SLC39A11: variants seen among roughly 807,000 people sequenced by gnomAD.
SLC39A11 encodes solute carrier family 39 member 11, also known as zinc transporter ZIP11.
In SLC39A11, 33 loss-of-function variants were observed where a neutral mutation model predicts 36.1. The observed-to-expected ratio is 0.91, with a 90% confidence interval of 0.69 to 1.22. The LOEUF (loss-of-function observed/expected upper bound fraction) is 1.22. SLC39A11 is among the 50% of genes most tolerant of loss of function. The probability of loss-of-function intolerance (pLI) is 0.00; values close to 1 mark genes in which losing one functional copy is unlikely to be tolerated. For missense variants in SLC39A11, 432 were observed against 430.3 expected (o/e 1.00, Z -0.03); for synonymous variants, 166 against 170.3 (o/e 0.97, Z 0.20).
Position 72,937,273 on chromosome 17 carries a change from C to G in SLC39A11, c.430+10479G>C, listed in dbSNP as rs1023384185. On this transcript the variant is annotated intron_variant, in intron 5 of 9. Coordinates refer to ENST00000255559, the MANE Select transcript of SLC39A11 (RefSeq NM_139177.4). ...CTGGCCAACATGGTGAAACCACCCCCCTCCCTGGTATCTACTAAAAAAAGT... is the reference window on the plus strand; with the variant it reads ...CTGGCCAACATGGTGAAACCACCCCGCTCCCTGGTATCTACTAAAAAAAGT... Among the ~76,000 whole-genome samples the G allele has an allele frequency of 3.3e-5, 5 of 151,964 alleles. No homozygotes were observed. In the South Asian group the frequency reaches 1.0e-3, roughly 32 times the overall value.
intron 6 of SLC39A11, among the ~76,000 whole-genome samples, chr17:72,764,337 G>A (rs1376243786): frequency 1.3e-5 from 2 of 152,134 alleles, no homozygotes; most frequent in African/African-American, 4.8e-5. Flanking sequence ...TTCAGCTGTG[G>A]TGGGGACAAG....
intron 4 of SLC39A11, among the ~76,000 whole-genome samples, chr17:72,957,825 A>G (rs2086343137): frequency 6.6e-6 from 1 of 152,006 alleles, no homozygotes; most frequent in African/African-American, 2.4e-5. Flanking sequence ...TCTCAAAAAA[A>G]AAAAACAAAC....
intron 3 of SLC39A11, among the ~76,000 whole-genome samples, chr17:73,060,223 A>G (rs2059799710): frequency 6.6e-6 from 1 of 150,676 alleles, no homozygotes; most frequent in Admixed American, 6.6e-5. Context: ...AAAAAAAAAA[A>G]AAAAAAAGAA....
At chr17:73,090,100 G>A (rs1013755944) in intron 1 of SLC39A11, among the ~76,000 whole-genome samples, 21 of 152,272 alleles carry the variant, frequency 1.4e-4, no homozygotes, top group African/African-American at 4.1e-4. Context: ...GCCAGTTCCC[G>A]GTGCTCTGTG....
chr17:73,062,028 A>G (rs2059855202), intron 3 of SLC39A11, among the ~76,000 whole-genome samples: 1 of 152,102 alleles, frequency 6.6e-6, no homozygotes, highest in Admixed American at 6.6e-5. Flanking sequence ...CCTCTGTTCC[A>G]TGACTCTTCA....
At position 73,017,319 on chromosome 17, in the gene SLC39A11, A is replaced by T. The variant is rs115719206; in HGVS notation, c.306+14237T>A. On this transcript the variant is annotated intron_variant, in intron 4 of 9. Coordinates refer to ENST00000255559, the MANE Select transcript of SLC39A11 (RefSeq NM_139177.4). ...CTGTGATCCTAGCCAGACGGAAAAC[A>T]TGCAAAGGGTGCACCACGTTCACCT... Among the ~76,000 whole-genome samples the T allele has an allele frequency of 3.6e-3, 543 of 152,330 alleles. 4 individuals carry two copies. The highest frequency in any genetic ancestry group is 0.012 in the African/African-American group (496 of 41,576).
chr17:72,947,969 C>A, intron 4 of SLC39A11, 94 bp from the exon 5 acceptor site: 1 of 1,518,238 alleles, frequency 6.6e-7, no homozygotes, highest in Non-Finnish European at 9.0e-7. Context: ...ACTTGCCAGT[C>A]TCTACCAAGA....
intron 3 of SLC39A11, among the ~76,000 whole-genome samples, chr17:73,081,668 C>CATATATGTGTATATGTATGT (rs1568242880): frequency 3.1e-5 from 2 of 64,984 alleles, no homozygotes. Flanking sequence ...CACACACACA[C>CATATATGTGTATATGTATGT]ACATATATAT....
intron 3 of SLC39A11, among the ~76,000 whole-genome samples, chr17:73,059,806 G>T (rs1450747425): frequency 6.6e-6 from 1 of 152,118 alleles, no homozygotes; most frequent in Non-Finnish European, 1.5e-5. Flanking sequence ...TAGAATGACA[G>T]GTTGCCCCAA....
At chr17:72,647,893 A>G (rs2069638305) in intron 9 of SLC39A11, among the ~76,000 whole-genome samples, 1 of 152,198 alleles carries the variant, frequency 6.6e-6, no homozygotes, top group Non-Finnish European at 1.5e-5. Context: ...TGGTGGGGAA[A>G]CTGAGGCAAA....
chr17:72,993,290 A>G (rs1369163971), intron 4 of SLC39A11, among the ~76,000 whole-genome samples: 1 of 152,250 alleles, frequency 6.6e-6, no homozygotes, highest in Non-Finnish European at 1.5e-5. Flanking sequence ...ACTAAACTAG[A>G]AAGTTAAAAT....
chr17:73,087,289 G>A (rs975680197), intron 2 of SLC39A11, among the ~76,000 whole-genome samples: 29 of 152,122 alleles, frequency 1.9e-4, no homozygotes, highest in African/African-American at 5.6e-4. Flanking sequence ...GCAGTGCAGC[G>A]CAGCAAGGGA....
chr17:73,014,812 G>A (rs2090719167), intron 4 of SLC39A11, among the ~76,000 whole-genome samples: 1 of 152,138 alleles, frequency 6.6e-6, no homozygotes, highest in Non-Finnish European at 1.5e-5. Context: ...CTGGACATAA[G>A]CCCCTGGCCG....
intron 3 of SLC39A11, among the ~76,000 whole-genome samples, chr17:73,056,713 T>A (rs1450508915): frequency 6.6e-6 from 1 of 152,084 alleles, no homozygotes; most frequent in Admixed American, 6.5e-5. Context: ...CAGGGAGTCA[T>A]GGGTTCACCT....
intron 7 of SLC39A11, among the ~76,000 whole-genome samples, chr17:72,669,899 C>CAT (rs1052785969): frequency 2.0e-5 from 3 of 148,492 alleles, no homozygotes; most frequent in African/African-American, 7.6e-5. Flanking sequence ...TGTATATACA[C>CAT]ATATATATAC....
intron 4 of SLC39A11, among the ~76,000 whole-genome samples, chr17:73,012,173 G>A (rs1336598274): frequency 6.6e-6 from 1 of 151,960 alleles, no homozygotes. Flanking sequence ...CTACTGGGGA[G>A]TTTGAGGCAG....
At chr17:72,915,176 C>A (rs1004826070) in intron 5 of SLC39A11, among the ~76,000 whole-genome samples, 2 of 152,114 alleles carry the variant, frequency 1.3e-5, no homozygotes, top group Non-Finnish European at 2.9e-5. Flanking sequence ...CTAGGTAACT[C>A]CTCAAGAGAG....
intron 4 of SLC39A11, among the ~76,000 whole-genome samples, chr17:72,972,648 TC>T (rs2087543370): frequency 6.6e-6 from 1 of 152,170 alleles, no homozygotes; most frequent in African/African-American, 2.4e-5. Flanking sequence ...GGTCACTGTT[TC>T]TAAGTTTGTT....
At chr17:72,902,493 C>G (rs2146960243) in intron 5 of SLC39A11, among the ~76,000 whole-genome samples, 1 of 152,288 alleles carries the variant, frequency 6.6e-6, no homozygotes, top group South Asian at 2.1e-4. Context: ...GACCGATGGT[C>G]TCCCTGAGAA....
Sources: gnomAD v4.1 joint callset for allele counts (sites outside exome capture counted in the v4.1 genomes callset) on GRCh38, gnomAD v4.1.1 for gene constraint, MANE v1.5 for transcripts, NCBI Gene and HGNC (gene_info 2026-07-23, HGNC 2026-07-21) for gene names.